The following APAF1 variants were observed in gnomAD, a reference collection of about 807,000 sequenced individuals.
APAF1 encodes the protein apoptotic peptidase activating factor 1.
Under a neutral mutation model 152.4 loss-of-function variants are expected in APAF1, and 91 were observed. The observed-to-expected ratio is 0.60, with a 90% CI of 0.50 to 0.71. The LOEUF (loss-of-function observed/expected upper bound fraction) is 0.71. APAF1 is among the 30% of genes least tolerant of loss of function. APAF1 has a pLI of 0.00. For missense variants in APAF1, 1,283 were observed against 1,472.0 expected (o/e 0.87, Z 2.10); for synonymous variants, 484 against 494.1 (o/e 0.98, Z 0.27).
chr12:98,708,059 G>A (rs2097723731), intron 19 of APAF1, among the ~76,000 whole-genome samples: 4 of 152,156 alleles, frequency 2.6e-5, no homozygotes, highest in Admixed American at 2.6e-4. Flanking sequence ...CAATTCTCCT[G>A]TCTCAGCCTC....
At position 98,680,280 on chromosome 12, in the gene APAF1, T is replaced by C; in HGVS notation, c.1924T>C (p.Phe642Leu). The part of the protein sequence containing the change: ...SCGADKTLQV[F>L]KAETGEKLLE... ...TATTTTATTGTTACTTGTGCAGGTG[T>C]TCAAAGCTGAAACAGGAGAGAAACT... The change falls in exon 14 of 27, where the codon TTC becomes CTC. Residue 642 changes from phenylalanine (F) to leucine (L), a missense_variant. Physicochemically the swap from Phe to Leu is conservative, Grantham distance 22. Transcript: ENST00000551964. 1 of 1,600,436 alleles carries C rather than the reference T, an allele frequency of 6.2e-7. No homozygotes were observed. The highest frequency in any genetic ancestry group is 8.5e-7 in the Non-Finnish European group (1 of 1,172,186).
chr12:98,659,463 C>G, intron 5 of APAF1, 120 bp downstream of exon 5: 1 of 1,121,738 alleles, frequency 8.9e-7, no homozygotes, highest in South Asian at 1.3e-5. Flanking sequence ...TAAGAGAGAA[C>G]CATTGCGGCC....
intron 16 of APAF1, among the ~76,000 whole-genome samples, chr12:98,695,199 C>T (rs551337360): frequency 5.9e-5 from 9 of 151,942 alleles, no homozygotes; most frequent in East Asian, 1.9e-4. Context: ...ATTACAGGCA[C>T]GCACCACCAC....
rs1471449493 is a variant in APAF1 at position 98,665,484 on chromosome 12, AG to A, written c.956-68del. On this transcript the variant is annotated intron_variant, in intron 7 of 26. Coordinates refer to ENST00000551964, the MANE Select transcript of APAF1 (RefSeq NM_181861.2). Reference sequence around the variant, plus strand: ...AAATTGTTTCTTAGTAATGTAAGTAAGTAAGTCGATTCTTATTAGTGACAAA... The same window carrying A: ...AAATTGTTTCTTAGTAATGTAAGTAATAAGTCGATTCTTATTAGTGACAAA... The A allele has an allele frequency of 2.9e-6, 3 of 1,046,838 alleles. No homozygotes were observed. The African/African-American group carries it at 4.7e-5, about 16-fold the overall frequency. 64.8% of individuals were successfully genotyped at this position (1,046,838 alleles called of 1,614,324 possible). A position where few individuals can be genotyped will look rare whatever the true frequency, so the allele number is the denominator to read the frequency against.
chr12:98,649,524 G>A lies in APAF1; in HGVS notation c.366G>A (p.Arg122=). 2 of 1,614,200 alleles carry A rather than the reference G, an allele frequency of 1.2e-6. No individual in the cohort carries two copies. The highest frequency in any genetic ancestry group is 1.7e-6 in the Non-Finnish European group (2 of 1,180,032). Residue 122 remains arginine (R), a synonymous_variant, in exon 4 of 27, where the codon AGG becomes AGA. Coordinates refer to ENST00000551964, the MANE Select transcript of APAF1 (RefSeq NM_181861.2). Reference sequence around the variant, plus strand: ...TGTGTGAAGGTGGAGTACCACAGAGGCCAGTTGTTTTTGTCACAAGGAAGA... The same window carrying A: ...TGTGTGAAGGTGGAGTACCACAGAGACCAGTTGTTTTTGTCACAAGGAAGA... ...TVLCEGGVPQ[R]PVVFVTRKKL... is the part of the protein sequence containing the mutation.
chr12:98,655,534 C>T (rs1040819043), intron 4 of APAF1, among the ~76,000 whole-genome samples: 66 of 152,268 alleles, frequency 4.3e-4, no homozygotes, highest in African/African-American at 1.5e-3. Flanking sequence ...TAGGGGCGGC[C>T]GTAGTATTTT....
intron 12 of APAF1, 139 bp downstream of exon 12, chr12:98,671,858 T>G: frequency 1.3e-6 from 1 of 795,712 alleles, no homozygotes. Context: ...TCTTACTTAT[T>G]GAAAAGTTCT....
rs774966225 is a variant in APAF1, at chr12:98,665,588, T to C, written c.991T>C (p.Leu331=). ...TGTAGTATCTTTAATTGGTGCACTTTTACGTGATTTTCCCAATCGCTGGGA... is the reference window on the plus strand; with the variant it reads ...TGTAGTATCTTTAATTGGTGCACTTCTACGTGATTTTCCCAATCGCTGGGA... ...PLVVSLIGAL[L]RDFPNRWEYY... is the part of the protein sequence containing the mutation. The change falls in exon 8 of 27, where the codon TTA becomes CTA. Residue 331 remains leucine (L), a synonymous_variant. Coordinates refer to ENST00000551964, the MANE Select transcript of APAF1 (RefSeq NM_181861.2). 1.1e-5 allele frequency: 18 copies of C among 1,613,774 alleles called. No homozygotes were observed. The East Asian group carries it at 3.1e-4, about 28-fold the overall frequency.
At chr12:98,723,790 A>G in intron 24 of APAF1, 26 bp downstream of exon 24, 2 of 1,613,222 alleles carry the variant, frequency 1.2e-6, no homozygotes, top group South Asian at 2.2e-5. Flanking sequence ...GAAACCATGC[A>G]TAAAACTTTG....
At chr12:98,728,546 G>C (rs10431447) in intron 26 of APAF1, among the ~76,000 whole-genome samples, 136,193 of 152,152 alleles carry the variant, frequency 0.9, 61,018 homozygotes, top group African/African-American at 0.94. Flanking sequence ...ATGGCAAAAC[G>C]CCATCTCTGC....
intron 19 of APAF1, among the ~76,000 whole-genome samples, chr12:98,707,692 CTATATA>C (rs10668292): frequency 7.2e-6 from 1 of 139,656 alleles, no homozygotes; most frequent in African/African-American, 2.5e-5. Context: ...ATGCAAAGTA[CTATATA>C]TATATATATA....
intron 13 of APAF1, among the ~76,000 whole-genome samples, chr12:98,679,419 C>T (rs770405143): frequency 1.2e-4 from 19 of 152,284 alleles, no homozygotes; most frequent in African/African-American, 4.3e-4. Context: ...GCTATTTTAT[C>T]GCTCAATAAA....
chr12:98,709,121 T>C (rs1220575950), intron 20 of APAF1, among the ~76,000 whole-genome samples: 1 of 152,188 alleles, frequency 6.6e-6, no homozygotes, highest in Non-Finnish European at 1.5e-5. Context: ...GGAAGGAGTC[T>C]GATTGATTGG....
chr12:98,707,654 A>C (rs1032739585), intron 19 of APAF1, among the ~76,000 whole-genome samples: 4 of 150,100 alleles, frequency 2.7e-5, no homozygotes, highest in African/African-American at 9.7e-5. Context: ...GCTAAAATTC[A>C]TTCAGTGCTT....
chr12:98,717,946 G>A (rs976271116), intron 22 of APAF1, among the ~76,000 whole-genome samples: 2 of 152,162 alleles, frequency 1.3e-5, no homozygotes, highest in African/African-American at 4.8e-5. Flanking sequence ...GATTCCTAGA[G>A]AGGAATTTTC....
chr12:98,686,054 A>C (rs2097697718), intron 15 of APAF1, among the ~76,000 whole-genome samples: 1 of 152,196 alleles, frequency 6.6e-6, no homozygotes, highest in Non-Finnish European at 1.5e-5. Context: ...TACTATTATC[A>C]CACCTAACAT....
rs112605394 is a variant in APAF1, at chr12:98,702,501, G to C, written c.2467-870G>C. ...CTTATTTGGCAAAAACTTTGGAAGA[G>C]TATATTCAGCATTTATAAATCTTAA... On this transcript the variant is annotated intron_variant, in intron 17 of 26. Coordinates refer to ENST00000551964, the MANE Select transcript of APAF1 (RefSeq NM_181861.2). Among the ~76,000 whole-genome samples, 108 of 152,170 alleles carry C rather than the reference G, an allele frequency of 7.1e-4. 1 individual carries two copies. The highest frequency in any genetic ancestry group is 2.4e-3 in the African/African-American group (101 of 41,522).
At chr12:98,732,373 A>T (rs1288497759) in intron 26 of APAF1, 47 bp from the exon 27 acceptor site, 1 of 1,558,504 alleles carries the variant, frequency 6.4e-7, no homozygotes, top group Non-Finnish European at 8.9e-7. Context: ...AAATTGTCAC[A>T]CAGTGTAATT....
In APAF1 at chr12:98,651,960, G is replaced by C. The variant is rs545022429; in HGVS notation, c.526+2276G>C. Among the ~76,000 whole-genome samples the C allele has an allele frequency of 6.6e-5, 10 of 152,268 alleles. No individual in the cohort carries two copies. The South Asian group carries it at 2.1e-3, about 32-fold the overall frequency. On this transcript the variant is annotated intron_variant, in intron 4 of 26. Coordinates refer to ENST00000551964, the MANE Select transcript of APAF1 (RefSeq NM_181861.2). ...CTCCGGAGTAGCTGGGACCACAGGT[G>C]CATGCTGACACACCCAGCTAATTTT...
Sources: allele counts gnomAD v4.1 joint callset (sites outside exome capture counted in the v4.1 genomes callset), GRCh38; gene constraint gnomAD v4.1.1; transcripts MANE v1.5; gene names NCBI Gene and HGNC (gene_info 2026-07-23, HGNC 2026-07-21).